VGLL3: variants seen among roughly 807,000 people sequenced by gnomAD.
The protein encoded by VGLL3 is transcription cofactor vestigial-like protein 3.
In VGLL3, 18 loss-of-function variants were observed where a neutral mutation model predicts 29.2. The ratio of observed to expected loss-of-function variants is 0.62; its 90% CI spans 0.43 to 0.91. The LOEUF is 0.91. VGLL3 is among the 40% of genes least tolerant of loss of function. The pLI, the probability that VGLL3 is intolerant of heterozygous loss-of-function variation, is 0.00. For missense variants in VGLL3, 440 were observed against 413.2 expected, an observed-to-expected ratio of 1.06 and a Z score of -0.56; for synonymous variants, 180 against 151.8, an observed-to-expected ratio of 1.19 and a Z score of -1.36.
intron 1 of VGLL3, among the ~76,000 whole-genome samples, chr3:86,985,564 T>G (rs1187877101): frequency 6.6e-6 from 1 of 152,144 alleles, no homozygotes; most frequent in African/African-American, 2.4e-5. Context: ...TCAGTAAATA[T>G]GGATTTATGA....
chr3:86,970,483 G>GCGCACACACA (rs1553706434), intron 2 of VGLL3, among the ~76,000 whole-genome samples: 6 of 141,296 alleles, frequency 4.2e-5, no homozygotes, highest in South Asian at 4.7e-4. Context: ...TTACACACAC[G>GCGCACACACA]CACACACACA....
chr3:86,960,178 G>C (rs1704808350), intron 3 of VGLL3, among the ~76,000 whole-genome samples: 1 of 151,892 alleles, frequency 6.6e-6, no homozygotes, highest in African/African-American at 2.4e-5. Context: ...ACAATTTTGA[G>C]AACTTAAACC....
rs1705261432 is a variant in VGLL3 at position 86,978,683 on chromosome 3, C to T, written c.246G>A (p.Glu82=). Residue 82 remains glutamate (E), a synonymous_variant, in exon 2 of 4, where the codon GAG becomes GAA. Coordinates refer to ENST00000398399, the MANE Select transcript of VGLL3 (RefSeq NM_016206.4). ...EEEKDQPAEM[E]YLNSRCVLFT... ...AAAGGACACAGCGAGAGTTAAGGTACTCCATCTCGGCAGGCTGGTCTTTCT... is the reference window on the plus strand; with the variant it reads ...AAAGGACACAGCGAGAGTTAAGGTATTCCATCTCGGCAGGCTGGTCTTTCT... The T allele has an allele frequency of 6.2e-7, 1 of 1,614,156 alleles. No homozygotes were observed. The highest frequency in any genetic ancestry group is 1.7e-5 in the Admixed American group (1 of 60,026).
intron 3 of VGLL3, among the ~76,000 whole-genome samples, chr3:86,949,794 T>C (rs531582047): frequency 7.4e-6 from 1 of 135,620 alleles, no homozygotes; most frequent in East Asian, 2.2e-4. Flanking sequence ...GCCACTGCAC[T>C]CCAGCCTGGG....
intron 1 of VGLL3, among the ~76,000 whole-genome samples, chr3:86,988,793 C>T (rs1439384899): frequency 6.6e-6 from 1 of 151,338 alleles, no homozygotes; most frequent in Non-Finnish European, 1.5e-5. Context: ...TCTACAAAAG[C>T]CCAAAATATA....
At chr3:86,978,399 A>T in intron 2 of VGLL3, 127 bp downstream of exon 2, 1 of 1,094,794 alleles carries the variant, frequency 9.1e-7, no homozygotes, top group East Asian at 2.4e-5. Flanking sequence ...GAAATTCCTC[A>T]CTGTCCTTAA....
Position 86,962,565 on chromosome 3 carries a change from A to C in VGLL3, c.937+6025T>G, listed in dbSNP as rs140323927. On this transcript the variant is annotated intron_variant, in intron 3 of 3. Coordinates refer to ENST00000398399, the MANE Select transcript of VGLL3 (RefSeq NM_016206.4). ...ACTAAAAAAAAATTTAAAAAACAAA[A>C]ATTTAAATTTAAATATTTTAAAAAT... The C allele has an allele frequency of 6.1e-5, 59 of 968,490 alleles. No homozygotes were observed. In the African/African-American group the frequency reaches 9.6e-4, roughly 16 times the overall value. 60.0% of individuals were successfully genotyped at this position (968,490 alleles called of 1,614,324 possible).
chr3:86,955,894 C>A (rs181676872), intron 3 of VGLL3, among the ~76,000 whole-genome samples: 1 of 152,306 alleles, frequency 6.6e-6, no homozygotes, highest in African/African-American at 2.4e-5. Flanking sequence ...AAGTCCCCAG[C>A]ATATCAGACT....
chr3:86,969,296 C>T (rs534681229), intron 2 of VGLL3, among the ~76,000 whole-genome samples, 173 bp from the exon 3 acceptor site: 6 of 152,294 alleles, frequency 3.9e-5, no homozygotes, highest in South Asian at 2.1e-4. Flanking sequence ...CCTCTGGGCT[C>T]GCAAGCCAAT....
chr3:86,963,389 C>A (rs1704896739), intron 3 of VGLL3, among the ~76,000 whole-genome samples: 2 of 152,228 alleles, frequency 1.3e-5, no homozygotes, highest in Admixed American at 6.5e-5. Context: ...ATAAGAAAAT[C>A]CACAGAAGTA....
intron 3 of VGLL3, among the ~76,000 whole-genome samples, chr3:86,953,605 T>G (rs1704656319): frequency 6.6e-6 from 1 of 152,212 alleles, no homozygotes; most frequent in Non-Finnish European, 1.5e-5. Context: ...ATTTTTCCTA[T>G]TTATGATCAA....
chr3:86,949,895 C>A (rs1413665245), intron 3 of VGLL3, among the ~76,000 whole-genome samples: 3 of 149,946 alleles, frequency 2.0e-5, no homozygotes, highest in Admixed American at 6.6e-5. Flanking sequence ...CTTATTAAGA[C>A]AACTGGTAAT....
intron 3 of VGLL3, chr3:86,962,308 CAGAGGTT>C: frequency 1.0e-6 from 1 of 985,442 alleles, no homozygotes; most frequent in South Asian, 4.7e-5. Context: ...AACACCAAGA[CAGAGGTT>C]AGAGGAATAA....
At chr3:86,987,986 C>T (rs905111056) in intron 1 of VGLL3, among the ~76,000 whole-genome samples, 5 of 152,036 alleles carry the variant, frequency 3.3e-5, no homozygotes, top group South Asian at 2.1e-4. Flanking sequence ...AAATAATTCT[C>T]AATGTTATAT....
intron 2 of VGLL3, among the ~76,000 whole-genome samples, chr3:86,970,304 A>G (rs1705067016): frequency 6.6e-6 from 1 of 152,122 alleles, no homozygotes; most frequent in African/African-American, 2.4e-5. Context: ...ATAGATAAGT[A>G]AAAACAGACA....
At chr3:86,970,491 A>ACACACACG (rs1559728803) in intron 2 of VGLL3, among the ~76,000 whole-genome samples, 1 of 114,458 alleles carries the variant, frequency 8.7e-6, no homozygotes, top group East Asian at 2.0e-4. Context: ...ACGCACACAC[A>ACACACACG]CACACACACA....
intron 3 of VGLL3, among the ~76,000 whole-genome samples, chr3:86,950,309 G>T (rs1704591156): frequency 6.6e-6 from 1 of 152,082 alleles, no homozygotes; most frequent in South Asian, 2.1e-4. Flanking sequence ...ATTATATTAA[G>T]CACAGTGCTA....
intron 2 of VGLL3, among the ~76,000 whole-genome samples, chr3:86,974,412 G>A (rs1447026361): frequency 6.6e-6 from 1 of 152,034 alleles, no homozygotes; most frequent in Admixed American, 6.6e-5. Flanking sequence ...GAGCCACCAC[G>A]CCCAGCTAGT....
At position 86,983,523 on chromosome 3, in the gene VGLL3, GTGTGTGC is replaced by G. The variant is rs1317822382; in HGVS notation, c.127-4728_127-4722del. Among the ~76,000 whole-genome samples, 3 of 152,110 alleles carry G rather than the reference GTGTGTGC, an allele frequency of 2.0e-5. No individual in the cohort carries two copies. In the East Asian group the frequency reaches 5.8e-4, roughly 29 times the overall value. ...TATCTCACTTCAACTGGGACTACAG[GTGTGTGC>G]CACCATGCTGGCCTTATTTTTTATT... On this transcript the variant is annotated intron_variant, in intron 1 of 3. Coordinates refer to ENST00000398399, the MANE Select transcript of VGLL3 (RefSeq NM_016206.4).
Sources: gnomAD v4.1 joint callset for allele counts (sites outside exome capture counted in the v4.1 genomes callset) on GRCh38, gnomAD v4.1.1 for gene constraint, MANE v1.5 for transcripts, NCBI Gene and HGNC (gene_info 2026-07-23, HGNC 2026-07-21) for gene names.